The following SPTBN5 variants were observed in gnomAD, a reference collection of about 807,000 sequenced individuals.
SPTBN5 encodes the protein spectrin beta, non-erythrocytic 5.
SPTBN5 carries 513 observed loss-of-function variants against 477.6 expected under a neutral mutation model. The ratio of observed to expected loss-of-function variants is 1.07; its 90% CI spans 1.00 to 1.16. The LOEUF is 1.16. Among genes scored for constraint, SPTBN5 ranks in the 50% most tolerant of loss-of-function variants. SPTBN5 has a pLI of 0.00. For synonymous variants in SPTBN5, 2,169 were observed against 2,011.7 expected, an observed-to-expected ratio of 1.08 and a Z score of -2.09; for missense variants, 5,062 against 4,731.8, an observed-to-expected ratio of 1.07 and a Z score of -2.05.
chr15:41,858,189 T>C (rs1288216542), intron 49 of SPTBN5, among the ~76,000 whole-genome samples: 1 of 152,120 alleles, frequency 6.6e-6, no homozygotes, highest in African/African-American at 2.4e-5. Flanking sequence ...TCCCAGCTAC[T>C]TGGGAGGCTG....
chr15:41,866,217 G>A lies in SPTBN5; in HGVS notation c.6643C>T (p.Leu2215Phe), dbSNP rs776646344. 6.3e-7 allele frequency: 1 copy of A among 1,591,594 alleles called. No individual in the cohort carries two copies. The highest frequency in any genetic ancestry group is 1.1e-5 in the South Asian group (1 of 88,698). Residue 2215 changes from leucine (L) to phenylalanine (F), a missense_variant, in exon 38 of 68, where the codon CTC (leucine) becomes TTC (phenylalanine). Leu to Phe is a conservative substitution (Grantham distance 22). Coordinates refer to ENST00000320955, the MANE Select transcript of SPTBN5 (RefSeq NM_016642.4). ...GCTCGAGGGTGACTCTGTGCCAGGA[G>A]AGCCTCTCCCTTCTGGAGGGAGAGA... ...MTSVAKKGEA[L>F]LAQSHPRAGE... is the part of the protein sequence containing the mutation.
At position 41,890,187 on chromosome 15, in the gene SPTBN5, C is replaced by T. The variant is rs555382756; in HGVS notation, c.403G>A (p.Gly135Arg). The part of the protein sequence containing the change: ...LRAKVPVPLI[G>R]PENIVDGDQT... ...TCTCCGTCCACGATGTTCTCTGGCCCGATGAGTGGTACTGGCACCTGTGGG... is the reference window on the plus strand; with the variant it reads ...TCTCCGTCCACGATGTTCTCTGGCCTGATGAGTGGTACTGGCACCTGTGGG... The change falls in exon 4 of 68, where the codon GGG becomes AGG. Residue 135 changes from glycine to arginine, a missense_variant. By Grantham distance (125) the Gly-to-Arg change is moderately radical. Transcript: ENST00000320955. 11 of 1,612,086 alleles carry T rather than the reference C, an allele frequency of 6.8e-6. No homozygotes were observed. The highest frequency in any genetic ancestry group is 4.4e-5 in the South Asian group (4 of 90,516).
At position 41,850,613 on chromosome 15, in the gene SPTBN5, C is replaced by G. The variant is rs1336530424; in HGVS notation, c.10921+241G>C. ...AGACTCCAAAAGGGGCAGAACAGGA[C>G]CAGGACACAGCTGGGGGTTCAAAAC... On this transcript the variant is annotated intron_variant, in intron 66 of 67. Coordinates refer to ENST00000320955, the MANE Select transcript of SPTBN5 (RefSeq NM_016642.4). The G allele has an allele frequency of 9.1e-6, 5 of 548,492 alleles. No homozygotes were observed. The East Asian group carries it at 1.5e-4, about 17-fold the overall frequency. The allele number at this position is 548,492 out of a possible 1,614,324, so 34.0% of individuals were successfully genotyped here.
chr15:41,874,828 A>G lies in SPTBN5; in HGVS notation c.4502+14T>C. 1.3e-6 allele frequency: 2 copies of G among 1,595,494 alleles called. No individual in the cohort carries two copies. The highest frequency in any genetic ancestry group is 8.6e-7 in the Non-Finnish European group (1 of 1,167,886). ...GAGGAGTGACACACAGGTGGGTGGG[A>G]GGACAGACCCCACCTCCGGAGGTGC... On this transcript the variant is annotated intron_variant, in intron 23 of 67. Coordinates refer to ENST00000320955, the MANE Select transcript of SPTBN5 (RefSeq NM_016642.4).
At chr15:41,850,173 G>GT (rs530672510) in intron 66 of SPTBN5, 1 of 566,276 alleles carries the variant, frequency 1.8e-6, no homozygotes, top group South Asian at 2.1e-5. Context: ...CTCCTCACAG[G>GT]TGAGTTAAGA....
intron 29 of SPTBN5, among the ~76,000 whole-genome samples, chr15:41,870,840 CA>C (rs2066510765): frequency 6.6e-6 from 1 of 152,244 alleles, no homozygotes; most frequent in African/African-American, 2.4e-5. Context: ...TGCTTTGACT[CA>C]CAGTGCGTCA....
rs2066001908 is a variant in SPTBN5 at position 41,858,750 on chromosome 15, T to A, written c.8080-2A>T. The A allele has an allele frequency of 1.2e-6, 2 of 1,608,754 alleles. No individual in the cohort carries two copies. Among genetic ancestry groups the A allele is most frequent in the African/African-American group, 2.7e-5 (2 of 74,878 alleles). On this transcript the variant is annotated splice_acceptor_variant, in intron 48 of 67. Coordinates refer to ENST00000320955, the MANE Select transcript of SPTBN5 (RefSeq NM_016642.4). LOFTEE classifies it high-confidence loss of function. The stretch of plus-strand genomic sequence containing the variant: ...CTTCTCCCTCAGCCACGCAGCCACC[T>A]GGGCACATGGGGAGGACAGGCCTGC...
rs1490025146 is a variant in SPTBN5 at position 41,881,936 on chromosome 15, C to T, written c.2457G>A (p.Thr819=). 19 of 1,528,244 alleles carry T rather than the reference C, an allele frequency of 1.2e-5. No homozygotes were observed. The highest frequency in any genetic ancestry group is 1.7e-5 in the Non-Finnish European group (19 of 1,146,404). The allele number at this position is 1,528,244 out of a possible 1,614,324, so 94.7% of individuals were successfully genotyped here. ...CGCCCTTCCCTGTCCCCGTCCTCAC[C>T]GTGAATAACGACGCCCGGGCCGAGG... The part of the protein sequence containing the change: ...RAASARASLF[T]VNSALSPPGE... Residue 819 remains threonine, a splice_region_variant and synonymous_variant, in exon 12 of 68, where the codon ACG becomes ACA. Coordinates refer to ENST00000320955, the MANE Select transcript of SPTBN5 (RefSeq NM_016642.4).
At chr15:41,863,118 C>T (rs2066174915) in intron 41 of SPTBN5, among the ~76,000 whole-genome samples, 1 of 152,238 alleles carries the variant, frequency 6.6e-6, no homozygotes, top group African/African-American at 2.4e-5. Context: ...AAGAACCTCA[C>T]GTGTGTGCTG....
intron 29 of SPTBN5, 25 bp downstream of exon 29, chr15:41,871,350 C>G: frequency 7.2e-7 from 1 of 1,393,172 alleles, no homozygotes; most frequent in Non-Finnish European, 9.3e-7. Context: ...AAACCCCATG[C>G]TGGCCTGGCC....
In SPTBN5 at chr15:41,862,276, C is replaced by T; in HGVS notation, c.7402G>A (p.Ala2468Thr). 1 of 1,604,722 alleles carries T rather than the reference C, an allele frequency of 6.2e-7. No homozygotes were observed. The highest frequency in any genetic ancestry group is 8.5e-7 in the Non-Finnish European group (1 of 1,175,464). Residue 2468 changes from alanine to threonine, a missense_variant, in exon 44 of 68, where the codon GCC (alanine) becomes ACC (threonine). Ala to Thr is a moderately conservative substitution (Grantham distance 58, BLOSUM62 0). Coordinates refer to ENST00000320955, the MANE Select transcript of SPTBN5 (RefSeq NM_016642.4). The part of the protein sequence containing the change: ...RAQKRREALD[A>T]LHQAQKLQAM... ...TGGAGTTTCTGAGCTTGGTGCAAGG[C>T]ATCCAGCGCCTCCCTCCTGCCCACA...
In SPTBN5 at chr15:41,855,232, C is replaced by T. The variant is rs1307045155; in HGVS notation, c.9415G>A (p.Gly3139Ser). The T allele has an allele frequency of 6.2e-7, 1 of 1,610,120 alleles. No homozygotes were observed. The highest frequency in any genetic ancestry group is 2.2e-5 in the East Asian group (1 of 44,792). ...ESQDYGQDLE[G>S]VKVLEEKFDA... ...GCTCAGGAGTAACTCACCTTGACAC[C>T]CTCCAGGTCCTGCCCGTAGTCCTGG... Residue 3139 changes from glycine to serine, a missense_variant, in exon 55 of 68, where the codon GGT becomes AGT. Physicochemically the swap from Gly to Ser is moderately conservative, Grantham distance 56. Coordinates refer to ENST00000320955, the MANE Select transcript of SPTBN5 (RefSeq NM_016642.4).
chr15:41,853,682 C>T lies in SPTBN5; in HGVS notation c.9880G>A (p.Glu3294Lys), dbSNP rs1293203048. ...AAPGGLAKVQ[E>K]AWATLQAKAQ... ...TTCGCCTGCAGGGTGGCCCAGGCCT[C>T]CTGCACCTTGGCCAGGCCCCCCGGA... Residue 3294 changes from glutamate to lysine, a missense_variant, in exon 58 of 68, where the codon GAG becomes AAG. Coordinates refer to ENST00000320955, the MANE Select transcript of SPTBN5 (RefSeq NM_016642.4). 17 of 1,603,472 alleles carry T rather than the reference C, an allele frequency of 1.1e-5. No homozygotes were observed. Among genetic ancestry groups the T allele is most frequent in the South Asian group, 4.4e-5 (4 of 90,096 alleles).
chr15:41,873,801 C>T (rs1225198715), intron 25 of SPTBN5, 44 bp downstream of exon 25: 3 of 1,602,046 alleles, frequency 1.9e-6, no homozygotes, highest in Non-Finnish European at 2.5e-6. Flanking sequence ...TCAAGGAGCC[C>T]TGACTTCTGC....
rs541178071 is a variant in SPTBN5 at position 41,867,860 on chromosome 15, T to A, written c.6207+209A>T. Among the ~76,000 whole-genome samples, 31 of 152,262 alleles carry A rather than the reference T, an allele frequency of 2.0e-4. No homozygotes were observed. The South Asian group carries it at 4.8e-3, about 23-fold the overall frequency. ...CATGACCAGCCTCTGGCCAACTTCC[T>A]CGGGGCTCAGTCTGGGATAGGGGCT... On this transcript the variant is annotated intron_variant, in intron 34 of 67. Transcript: ENST00000320955.
At position 41,868,168 on chromosome 15, in the gene SPTBN5, CTG is replaced by C. The variant is rs774103574; in HGVS notation, c.6106_6107del (p.Gln2036AspfsTer74). ...ALQDQRDQVYQTWARKQERLQ... is the reference protein window; with the variant it reads ...ALQDQRDQVYXTWARKQERLQ... Reference sequence around the variant, plus strand: ...GCCTCTCTTGCTTCCGTGCCCAGGTCTGATACACCTGGTCCCGCTGGTCCTGC... The same window carrying C: ...GCCTCTCTTGCTTCCGTGCCCAGGTCATACACCTGGTCCCGCTGGTCCTGC... On this transcript the variant is annotated frameshift_variant, in exon 34 of 68. Coordinates refer to ENST00000320955, the MANE Select transcript of SPTBN5 (RefSeq NM_016642.4). LOFTEE classifies it high-confidence loss of function. 1.7e-4 allele frequency: 265 copies of C among 1,586,160 alleles called. 1 individual carries two copies. Among genetic ancestry groups the C allele is most frequent in the Non-Finnish European group, 2.2e-4 (256 of 1,166,718 alleles).
intron 39 of SPTBN5, 25 bp downstream of exon 39, chr15:41,865,783 C>T: frequency 6.5e-7 from 1 of 1,544,940 alleles, no homozygotes; most frequent in Non-Finnish European, 8.8e-7. Flanking sequence ...GCATGGCCAA[C>T]CTCTACCCAG....
Position 41,865,387 on chromosome 15 carries a change from G to A in SPTBN5, c.6918+421C>T, listed in dbSNP as rs371714007. 2.0e-5 allele frequency among the ~76,000 whole-genome samples: 3 copies of A among 152,288 alleles called. No individual in the cohort carries two copies. The South Asian group carries it at 6.2e-4, about 32-fold the overall frequency. The stretch of plus-strand genomic sequence containing the variant: ...GAAATTGCCAAAGTCCTGCAGAGAG[G>A]TCCCTGTGCCCTTCCCCAGCTTCCC... On this transcript the variant is annotated intron_variant, in intron 39 of 67. Coordinates refer to ENST00000320955, the MANE Select transcript of SPTBN5 (RefSeq NM_016642.4).
At chr15:41,851,234 T>G in intron 64 of SPTBN5, 49 bp downstream of exon 64, 1 of 1,558,544 alleles carries the variant, frequency 6.4e-7, no homozygotes. Flanking sequence ...CCCCTCTGCC[T>G]TGCTTCCCAG....
Sources: gnomAD v4.1 joint callset for allele counts (sites outside exome capture counted in the v4.1 genomes callset) on GRCh38, gnomAD v4.1.1 for gene constraint, MANE v1.5 for transcripts, NCBI Gene and HGNC (gene_info 2026-07-23, HGNC 2026-07-21) for gene names.